COG5: variants seen among roughly 807,000 people sequenced by gnomAD.
COG5 encodes the protein conserved oligomeric Golgi complex subunit 5.
In COG5, 86 loss-of-function variants were observed where a neutral mutation model predicts 110.4. The observed-to-expected ratio is 0.78, with a 90% CI of 0.65 to 0.93. COG5 has a LOEUF of 0.93. COG5 is among the 40% of genes least tolerant of loss of function. The pLI is 0.00. For synonymous variants in COG5, 360 were observed against 334.6 expected (o/e 1.08, Z -0.83); for missense variants, 1,077 against 987.0 (o/e 1.09, Z -1.22).
rs1275193187 is a variant in COG5 at position 107,291,737 on chromosome 7, G to A, written c.1313+6405C>T. Among the ~76,000 whole-genome samples, 4 of 152,162 alleles carry A rather than the reference G, an allele frequency of 2.6e-5. No individual in the cohort carries two copies. In the South Asian group the frequency reaches 6.2e-4, roughly 24 times the overall value. On this transcript the variant is annotated intron_variant, in intron 12 of 21. Coordinates refer to ENST00000297135, the MANE Select transcript of COG5 (RefSeq NM_006348.5). ...GGAGCTAATTGTAGCTCCTTTGATA[G>A]AACCTTTCTGAGGTCATGTTTGATA...
At chr7:107,409,503 G>T (rs796303166) in intron 7 of COG5, among the ~76,000 whole-genome samples, 13 of 151,664 alleles carry the variant, frequency 8.6e-5, no homozygotes, top group African/African-American at 3.2e-4. Context: ...AGTAAGAGCA[G>T]CTTATTCTTC....
At chr7:107,522,930 C>G (rs1800441369) in intron 6 of COG5, among the ~76,000 whole-genome samples, 1 of 152,134 alleles carries the variant, frequency 6.6e-6, no homozygotes, top group African/African-American at 2.4e-5. Context: ...TGTAATAAGT[C>G]TTCAAATCAG....
At chr7:107,218,216 G>A (rs1475800362) in intron 19 of COG5, among the ~76,000 whole-genome samples, 1 of 151,948 alleles carries the variant, frequency 6.6e-6, no homozygotes, top group Non-Finnish European at 1.5e-5. Flanking sequence ...AAAAATAAAT[G>A]GAAAGCTATT....
chr7:107,458,907 T>C (rs894741479), intron 6 of COG5, among the ~76,000 whole-genome samples: 3 of 151,422 alleles, frequency 2.0e-5, no homozygotes, highest in Admixed American at 6.6e-5. Flanking sequence ...ACATATGTTA[T>C]ATATACATAT....
chr7:107,353,438 A>AG (rs1812352885), intron 10 of COG5, among the ~76,000 whole-genome samples: 1 of 151,452 alleles, frequency 6.6e-6, no homozygotes, highest in African/African-American at 2.4e-5. Context: ...AAAAAAAAAA[A>AG]AAAAAGAAAA....
chr7:107,562,385 C>CCA (rs1381621803), intron 1 of COG5, among the ~76,000 whole-genome samples: 2 of 152,204 alleles, frequency 1.3e-5, no homozygotes, highest in Non-Finnish European at 2.9e-5. Flanking sequence ...TAAAACGTCT[C>CCA]CACCTAGAAA....
At chr7:107,490,155 C>A (rs560500567) in intron 6 of COG5, among the ~76,000 whole-genome samples, 71 of 152,182 alleles carry the variant, frequency 4.7e-4, no homozygotes, top group African/African-American at 1.7e-3. Flanking sequence ...ACTTGATTTT[C>A]ACTTTTCTTA....
At chr7:107,254,385 GT>G (rs150652783) in intron 16 of COG5, among the ~76,000 whole-genome samples, 20 of 148,232 alleles carry the variant, frequency 1.3e-4, no homozygotes, top group East Asian at 2.0e-4. Context: ...TCTAAGTCAG[GT>G]TTTTTTTTTA....
intron 7 of COG5, among the ~76,000 whole-genome samples, chr7:107,400,281 T>C (rs915995184): frequency 2.6e-5 from 4 of 151,998 alleles, no homozygotes; most frequent in Non-Finnish European, 4.4e-5. Context: ...GTTGAATGTA[T>C]AAAGCCAGAT....
intron 7 of COG5, among the ~76,000 whole-genome samples, chr7:107,382,100 C>A (rs1181590600): frequency 6.6e-6 from 1 of 152,160 alleles, no homozygotes; most frequent in Non-Finnish European, 1.5e-5. Context: ...CGTGCAGAGT[C>A]CATAAAAGTC....
chr7:107,292,227 G>A (rs1235133833), intron 12 of COG5, among the ~76,000 whole-genome samples: 1 of 152,068 alleles, frequency 6.6e-6, no homozygotes, highest in Non-Finnish European at 1.5e-5. Flanking sequence ...TGTAGAGACG[G>A]GGTCTGTTTT....
chr7:107,419,816 C>T (rs1793148809), intron 6 of COG5, among the ~76,000 whole-genome samples: 1 of 152,168 alleles, frequency 6.6e-6, no homozygotes. Flanking sequence ...GATCCACCCG[C>T]CTCGGCCTCC....
intron 21 of COG5, among the ~76,000 whole-genome samples, chr7:107,205,317 A>G (rs886702527): frequency 1.3e-5 from 2 of 151,924 alleles, no homozygotes; most frequent in African/African-American, 4.8e-5. Flanking sequence ...ACTCAACCCA[A>G]CTGAATACCA....
At chr7:107,391,073 T>C (rs528167835) in intron 7 of COG5, among the ~76,000 whole-genome samples, 1 of 152,268 alleles carries the variant, frequency 6.6e-6, no homozygotes, top group African/African-American at 2.4e-5. Context: ...CATCCACGGA[T>C]GCATGATTGC....
chr7:107,415,125 G>A (rs974946873), intron 6 of COG5, among the ~76,000 whole-genome samples: 1 of 152,096 alleles, frequency 6.6e-6, no homozygotes, highest in African/African-American at 2.4e-5. Context: ...ATGCACTTAT[G>A]TTTCACCACA....
chr7:107,304,719 A>G (rs534578725), intron 11 of COG5, among the ~76,000 whole-genome samples: 1 of 152,226 alleles, frequency 6.6e-6, no homozygotes, highest in African/African-American at 2.4e-5. Context: ...TCTCCCTATA[A>G]AAGGACCAAA....
At chr7:107,242,197 A>T (rs928828526) in intron 17 of COG5, among the ~76,000 whole-genome samples, 2 of 152,186 alleles carry the variant, frequency 1.3e-5, no homozygotes, top group African/African-American at 4.8e-5. Flanking sequence ...TTCAACTGAA[A>T]CATCCAGGTA....
chr7:107,299,903 T>C (rs1807116900), intron 11 of COG5, among the ~76,000 whole-genome samples: 1 of 140,966 alleles, frequency 7.1e-6, no homozygotes, highest in African/African-American at 2.5e-5. Flanking sequence ...TGGAATTACA[T>C]ATATATATAG....
intron 3 of COG5, 95 bp from the exon 4 acceptor site, chr7:107,548,427 T>G: frequency 8.4e-7 from 1 of 1,190,208 alleles, no homozygotes; most frequent in South Asian, 1.2e-5. Flanking sequence ...CATATATAAT[T>G]TTAACTTTTT....
Sources: allele counts gnomAD v4.1 joint callset (sites outside exome capture counted in the v4.1 genomes callset), GRCh38; gene constraint gnomAD v4.1.1; transcripts MANE v1.5; gene names NCBI Gene and HGNC (gene_info 2026-07-23, HGNC 2026-07-21).